Variants in ZNF729 observed in about 807,000 individuals in gnomAD.
ZNF729 encodes zinc finger protein 729.
ZNF729 carries 15 observed loss-of-function variants against 12.2 expected under a neutral mutation model. The ratio of observed to expected loss-of-function variants is 1.23; its 90% CI spans 0.82 to 1.89. The LOEUF (loss-of-function observed/expected upper bound fraction) is 1.89, where lower values mean the gene tolerates loss of function less well. Ranked by LOEUF, ZNF729 falls within the 40% of genes most tolerant of loss-of-function variation. The pLI is 0.00. For synonymous variants in ZNF729, 492 were observed against 476.3 expected (o/e 1.03, Z -0.43); for missense variants, 1,540 against 1,456.7 (o/e 1.06, Z -0.93).
At chr19:22,300,362 G>GT in intron 1 of ZNF729, among the ~76,000 whole-genome samples, 1 of 152,124 alleles carries the variant, frequency 6.6e-6, no homozygotes, top group Non-Finnish European at 1.5e-5. Context: ...TCACATTCAG[G>GT]TTTAATTGTG....
chr19:22,306,910 T>G (rs1968385066), intron 3 of ZNF729, among the ~76,000 whole-genome samples: 1 of 151,670 alleles, frequency 6.6e-6, no homozygotes, highest in African/African-American at 2.4e-5. Flanking sequence ...CTAGAATCAT[T>G]TTATTTTCAA....
chr19:22,307,989 A>T (rs891309465), intron 3 of ZNF729, among the ~76,000 whole-genome samples: 2 of 151,764 alleles, frequency 1.3e-5, no homozygotes, highest in Non-Finnish European at 2.9e-5. Context: ...ACTGCACCCT[A>T]TTTGTAGTCT....
chr19:22,315,867 T>C lies in ZNF729; in HGVS notation c.2450T>C (p.Ile817Thr). The change falls in exon 4 of 4, where the codon ATT becomes ACT. Residue 817 changes from isoleucine (I) to threonine (T), a missense_variant. By Grantham distance (89) the Ile-to-Thr change is moderately conservative. Coordinates refer to ENST00000601693, the MANE Select transcript of ZNF729 (RefSeq NM_001242680.2). ...WSSKLTVHKVIHTGEKPCKCE... is the reference protein window; with the variant it reads ...WSSKLTVHKVTHTGEKPCKCE... ...TCAAAGCTTACTGTACATAAGGTAA[T>C]TCATACTGGAGAGAAACCCTGCAAA... 1.9e-6 allele frequency: 3 copies of C among 1,611,342 alleles called. No individual in the cohort carries two copies. The highest frequency in any genetic ancestry group is 2.5e-6 in the Non-Finnish European group (3 of 1,179,716).
rs774499870 is a variant in ZNF729, at chr19:22,315,127, A to T, written c.1710A>T (p.Lys570Asn). 121 of 1,611,000 alleles carry T rather than the reference A, an allele frequency of 7.5e-5. No individual in the cohort carries two copies. The highest frequency in any genetic ancestry group is 6.6e-5 in the Non-Finnish European group (78 of 1,179,632). Reference sequence around the variant, plus strand: ...ATAAGGTAATTCATACTGGAGAGAAACCCTGCAAATGTGAAGAATGTGGCA... The same window carrying T: ...ATAAGGTAATTCATACTGGAGAGAATCCCTGCAAATGTGAAGAATGTGGCA... ...TVHKVIHTGE[K>N]PCKCEECGKA... Residue 570 changes from lysine to asparagine, a missense_variant, in exon 4 of 4, where the codon AAA (lysine) becomes AAT (asparagine). By Grantham distance (94) the Lys-to-Asn change is moderately conservative (BLOSUM62 0). Transcript: ENST00000601693.
chr19:22,298,808 C>T (rs1447824713), intron 1 of ZNF729, among the ~76,000 whole-genome samples: 1 of 152,140 alleles, frequency 6.6e-6, no homozygotes, highest in Non-Finnish European at 1.5e-5. Context: ...GCCACCATGC[C>T]CAGCCTATTT....
At chr19:22,302,204 A>G (rs1599755560) in intron 1 of ZNF729, among the ~76,000 whole-genome samples, 1 of 152,430 alleles carries the variant, frequency 6.6e-6, no homozygotes, top group East Asian at 1.9e-4. Flanking sequence ...AAAAACAAGA[A>G]GGAGGTCCTG....
Position 22,316,368 on chromosome 19 carries a change from C to T in ZNF729, c.2951C>T (p.Ala984Val), listed in dbSNP as rs1320857336. The change falls in exon 4 of 4, where the codon GCA becomes GTA. Residue 984 changes from alanine to valine, a missense_variant. Transcript: ENST00000601693. The part of the protein sequence containing the change: ...KQSSHLTRHK[A>V]IHTGEKPYKC... Reference sequence around the variant, plus strand: ...TCCTCACATCTTACTAGACATAAAGCAATTCATACTGGGGAGAAACCCTAC... The same window carrying T: ...TCCTCACATCTTACTAGACATAAAGTAATTCATACTGGGGAGAAACCCTAC... The T allele has an allele frequency of 1.2e-6, 2 of 1,612,104 alleles. No homozygotes were observed. Among genetic ancestry groups the T allele is most frequent in the African/African-American group, 2.7e-5 (2 of 74,448 alleles).
At chr19:22,298,037 T>G (rs1355426931) in intron 1 of ZNF729, among the ~76,000 whole-genome samples, 1 of 140,898 alleles carries the variant, frequency 7.1e-6, no homozygotes, top group African/African-American at 2.7e-5. Context: ...ACACAAAACA[T>G]TGAGCACAAA....
intron 1 of ZNF729, among the ~76,000 whole-genome samples, chr19:22,303,157 CATAT>C (rs1968335433): frequency 6.6e-6 from 1 of 152,148 alleles, no homozygotes; most frequent in Non-Finnish European, 1.5e-5. Flanking sequence ...ATTTTCTTTG[CATAT>C]ATCTATCTTT....
intron 1 of ZNF729, 149 bp from the exon 2 acceptor site, chr19:22,303,609 G>T: frequency 1.5e-6 from 1 of 685,338 alleles, no homozygotes; most frequent in Non-Finnish European, 2.1e-6. Flanking sequence ...ATATTTCTGT[G>T]TTGAAAATTA....
chr19:22,312,146 T>C (rs929006655), intron 3 of ZNF729, among the ~76,000 whole-genome samples: 3 of 152,180 alleles, frequency 2.0e-5, no homozygotes, highest in Non-Finnish European at 4.4e-5. Flanking sequence ...TGATCTGTGT[T>C]CCTGTTTCTC....
Position 22,317,033 on chromosome 19 carries a change from CAT to C in ZNF729, c.3618_3619del (p.His1206GlnfsTer40). ...TATTCAGTGCTCATACCTTATTAGA[CAT>C]AAAACAATTCATACCAGAGAGAAAC... ...AFIQCSYLIRHKTIHTREKPT... is the reference protein window; with the variant it reads ...AFIQCSYLIRXKTIHTREKPT... On this transcript the variant is annotated frameshift_variant, in exon 4 of 4. Coordinates refer to ENST00000601693, the MANE Select transcript of ZNF729 (RefSeq NM_001242680.2). LOFTEE classifies it low-confidence loss of function (END_TRUNC). The C allele has an allele frequency of 1.2e-6, 2 of 1,608,668 alleles. No homozygotes were observed. Among genetic ancestry groups the C allele is most frequent in the East Asian group, 2.2e-5 (1 of 44,700 alleles).
intron 1 of ZNF729, among the ~76,000 whole-genome samples, chr19:22,302,767 GTCTT>G (rs1968329718): frequency 6.6e-6 from 1 of 152,304 alleles, no homozygotes; most frequent in South Asian, 2.1e-4. Flanking sequence ...CCACCCTGGA[GTCTT>G]ACCTCACAGA....
At chr19:22,310,566 T>C (rs1968438860) in intron 3 of ZNF729, among the ~76,000 whole-genome samples, 1 of 152,116 alleles carries the variant, frequency 6.6e-6, no homozygotes. Flanking sequence ...TGATCATGGA[T>C]TCTCTTTTTG....
intron 1 of ZNF729, among the ~76,000 whole-genome samples, chr19:22,288,661 AC>A (rs1387221121): frequency 6.6e-6 from 1 of 152,028 alleles, no homozygotes; most frequent in African/African-American, 2.4e-5. Context: ...GATTGTCTTC[AC>A]CCAACCCAGC....
At chr19:22,312,783 G>A (rs1447403521) in intron 3 of ZNF729, among the ~76,000 whole-genome samples, 2 of 151,914 alleles carry the variant, frequency 1.3e-5, no homozygotes, top group Admixed American at 6.6e-5. Flanking sequence ...GCATGATCTC[G>A]GCTCACCTCA....
chr19:22,313,824 A>G lies in ZNF729; in HGVS notation c.407A>G (p.Lys136Arg), dbSNP rs1331815052. The G allele has an allele frequency of 1.3e-6, 2 of 1,587,804 alleles. No homozygotes were observed. The highest frequency in any genetic ancestry group is 2.7e-5 in the African/African-American group (2 of 74,470). Residue 136 changes from lysine to arginine, a missense_variant, in exon 4 of 4, where the codon AAA becomes AGA. Transcript: ENST00000601693. ...AGTGCCAATGAGGGTAAGATGCACA[A>G]AGAAGGTTATAATAAACTTAACCAA... ...CKSANEGKMH[K>R]EGYNKLNQCR...
rs1275481683 is a variant in ZNF729, at chr19:22,314,633, T to C, written c.1216T>C (p.Cys406Arg). The change falls in exon 4 of 4, where the codon TGT (cysteine) becomes CGT (arginine). Residue 406 changes from cysteine to arginine, a missense_variant. Cys to Arg is a radical substitution (Grantham distance 180, BLOSUM62 -3). Coordinates refer to ENST00000601693, the MANE Select transcript of ZNF729 (RefSeq NM_001242680.2). ...VVHTGEKPYK[C>R]EECGKAFSQF... is the part of the protein sequence containing the mutation. ...TCATACTGGAGAGAAACCCTACAAATGTGAAGAATGTGGCAAAGCTTTTAG... is the reference window on the plus strand; with the variant it reads ...TCATACTGGAGAGAAACCCTACAAACGTGAAGAATGTGGCAAAGCTTTTAG... The C allele has an allele frequency of 1.2e-5, 20 of 1,612,080 alleles. No individual in the cohort carries two copies. Among genetic ancestry groups the C allele is most frequent in the Non-Finnish European group, 1.7e-5 (20 of 1,179,798 alleles).
rs191001751 is a variant in ZNF729 at position 22,316,767 on chromosome 19, C to G, written c.3350C>G (p.Ser1117Ter). 6.2e-7 allele frequency: 1 copy of G among 1,613,048 alleles called. No homozygotes were observed. The highest frequency in any genetic ancestry group is 2.2e-5 in the East Asian group (1 of 44,846). Residue 1117 changes from serine to a stop codon, truncating the protein, a stop_gained, in exon 4 of 4, where the codon TCA (serine) becomes TGA (stop). Coordinates refer to ENST00000601693, the MANE Select transcript of ZNF729 (RefSeq NM_001242680.2). LOFTEE classifies it low-confidence loss of function (END_TRUNC). ...DECGKAFNNS[S>*]TLTKHKIIHT... Reference sequence around the variant, plus strand: ...TGTGGCAAAGCTTTTAACAATTCCTCAACCCTTACGAAACATAAGATAATT... The same window carrying G: ...TGTGGCAAAGCTTTTAACAATTCCTGAACCCTTACGAAACATAAGATAATT...
Sources: gnomAD v4.1 joint callset for allele counts (sites outside exome capture counted in the v4.1 genomes callset) on GRCh38, gnomAD v4.1.1 for gene constraint, MANE v1.5 for transcripts, NCBI Gene and HGNC (gene_info 2026-07-23, HGNC 2026-07-21) for gene names.